Variants in TTC28 observed in about 807,000 individuals in gnomAD.
The protein encoded by TTC28 is tetratricopeptide repeat domain 28.
Under a neutral mutation model 198.0 loss-of-function variants are expected in TTC28, and 61 were observed. The observed-to-expected ratio is 0.31, with a 90% CI of 0.25 to 0.38. The LOEUF is 0.38. TTC28 is among the 10% of genes least tolerant of loss of function. The pLI is 1.00. For synonymous variants in TTC28, 1,171 were observed against 1,297.8 expected, an observed-to-expected ratio of 0.90 and a Z score of 2.10; for missense variants, 2,678 against 3,164.0, an observed-to-expected ratio of 0.85 and a Z score of 3.69.
At chr22:28,488,177 G>A (rs2048334411) in intron 2 of TTC28, among the ~76,000 whole-genome samples, 1 of 151,908 alleles carries the variant, frequency 6.6e-6, no homozygotes, top group African/African-American at 2.4e-5. Flanking sequence ...ATACCAACCG[G>A]ACCACCAGAC....
intron 2 of TTC28, among the ~76,000 whole-genome samples, chr22:28,568,933 G>T (rs1001313735): frequency 6.6e-6 from 1 of 152,052 alleles, no homozygotes; most frequent in Non-Finnish European, 1.5e-5. Flanking sequence ...GATCACCTGA[G>T]GTCAGGAGTT....
intron 2 of TTC28, among the ~76,000 whole-genome samples, chr22:28,510,914 AAAGAGAATAAAATACCTAGG>A (rs1568988387): frequency 6.6e-6 from 1 of 152,140 alleles, no homozygotes; most frequent in Non-Finnish European, 1.5e-5. Context: ...CAACTGCTAC[AAAGAGAATAAAATACCTAGG>A]AATACAGCTA....
At chr22:28,380,146 A>G (rs2046473023) in intron 2 of TTC28, among the ~76,000 whole-genome samples, 2 of 151,830 alleles carry the variant, frequency 1.3e-5, no homozygotes, top group South Asian at 2.1e-4. Flanking sequence ...ATTTCAAAAT[A>G]AAAAGCTCAA....
At position 27,982,252 on chromosome 22, in the gene TTC28, G is replaced by A. The variant is rs894941550; in HGVS notation, c.7415C>T (p.Pro2472Leu). 6.8e-7 allele frequency: 1 copy of A among 1,467,980 alleles called. No individual in the cohort carries two copies. Among genetic ancestry groups the A allele is most frequent in the Non-Finnish European group, 9.0e-7 (1 of 1,109,422 alleles). 90.9% of individuals were successfully genotyped at this position (1,467,980 alleles called of 1,614,324 possible). ...TTTGGAAGAAGGGAAAAATCTTCCT[G>A]GAGACAGGAACTTGTAGCCATTTCC... ...PSGNGYKFLS[P>L]GRFFPSSKC Residue 2472 changes from proline (P) to leucine (L), a missense_variant, in exon 23 of 23, where the codon CCA becomes CTA. Coordinates refer to ENST00000397906, the MANE Select transcript of TTC28 (RefSeq NM_001145418.2). The surrounding 1 kb of genome is among the most constrained non-coding windows in gnomAD (Gnocchi z 5.2).
chr22:28,555,998 C>T (rs2049779723), intron 2 of TTC28, among the ~76,000 whole-genome samples: 1 of 151,770 alleles, frequency 6.6e-6, no homozygotes. Context: ...TTTCCTTCGC[C>T]ATAAAATATA....
chr22:28,328,053 A>C (rs890401847), intron 2 of TTC28, among the ~76,000 whole-genome samples: 3 of 152,224 alleles, frequency 2.0e-5, no homozygotes, highest in Non-Finnish European at 4.4e-5. Flanking sequence ...CACACAGTTA[A>C]TACAATAAAA....
At chr22:28,579,598 C>T (rs940729616) in intron 2 of TTC28, among the ~76,000 whole-genome samples, 22 of 148,722 alleles carry the variant, frequency 1.5e-4, no homozygotes, top group Non-Finnish European at 4.4e-5. Flanking sequence ...TATATATACA[C>T]GAAAAAATTA....
At chr22:28,269,225 C>G (rs946998004) in intron 5 of TTC28, among the ~76,000 whole-genome samples, 4 of 152,102 alleles carry the variant, frequency 2.6e-5, no homozygotes, top group Admixed American at 2.0e-4. Context: ...CCATTACACA[C>G]TGTTGGGTCT....
At chr22:28,294,547 T>C (rs538761607) in intron 5 of TTC28, among the ~76,000 whole-genome samples, 56 of 151,976 alleles carry the variant, frequency 3.7e-4, no homozygotes, top group Admixed American at 9.8e-4. Flanking sequence ...AAAAAGAGTA[T>C]AAATGCAGCT....
At chr22:28,085,421 A>C (rs1409567878) in intron 12 of TTC28, among the ~76,000 whole-genome samples, 1 of 152,184 alleles carries the variant, frequency 6.6e-6, no homozygotes, top group Non-Finnish European at 1.5e-5. Flanking sequence ...AAGCTTCATA[A>C]GTGAAGGAGA....
At chr22:28,151,474 A>G (rs1012153908) in intron 6 of TTC28, among the ~76,000 whole-genome samples, 1 of 152,202 alleles carries the variant, frequency 6.6e-6, no homozygotes, top group Admixed American at 6.5e-5. Context: ...TCCTCTGCTC[A>G]CATGTTTACA....
intron 12 of TTC28, among the ~76,000 whole-genome samples, chr22:28,055,256 G>A (rs1940240105): frequency 6.6e-6 from 1 of 152,080 alleles, no homozygotes; most frequent in Admixed American, 6.6e-5. Context: ...GAAAATACTG[G>A]GTAACAACTG....
chr22:28,654,332 T>C (rs2051610095), intron 1 of TTC28, among the ~76,000 whole-genome samples: 1 of 152,134 alleles, frequency 6.6e-6, no homozygotes, highest in Admixed American at 6.6e-5. Context: ...TTAAAATAAA[T>C]ATATATATTT....
intron 2 of TTC28, among the ~76,000 whole-genome samples, chr22:28,493,433 G>C (rs190004008): frequency 1.3e-5 from 2 of 152,184 alleles, no homozygotes; most frequent in African/African-American, 2.4e-5. Context: ...ATTCATTACT[G>C]TGAAAACAGG....
chr22:28,117,145 G>A (rs926954217), intron 6 of TTC28, among the ~76,000 whole-genome samples: 12 of 152,196 alleles, frequency 7.9e-5, no homozygotes, highest in African/African-American at 2.9e-4. Context: ...CTGAAGTGCA[G>A]TATTCCATGT....
chr22:28,408,238 A>G (rs1410391592), intron 2 of TTC28, among the ~76,000 whole-genome samples: 2 of 152,210 alleles, frequency 1.3e-5, no homozygotes, highest in East Asian at 3.9e-4. Context: ...CCCATTCCTC[A>G]ATGAGTTGTT....
At chr22:28,564,579 T>A (rs1252209009) in intron 2 of TTC28, among the ~76,000 whole-genome samples, 1 of 151,920 alleles carries the variant, frequency 6.6e-6, no homozygotes, top group Non-Finnish European at 1.5e-5. Context: ...GATAGCAGTA[T>A]TCCGTGGTTT....
intron 2 of TTC28, among the ~76,000 whole-genome samples, chr22:28,328,995 C>T (rs1009997146): frequency 6.6e-6 from 1 of 151,710 alleles, no homozygotes; most frequent in African/African-American, 2.4e-5. Flanking sequence ...AAAAGAGAAA[C>T]CTGATTTCAG....
intron 1 of TTC28, among the ~76,000 whole-genome samples, chr22:28,662,956 T>G (rs928886637): frequency 1.3e-5 from 2 of 152,048 alleles, no homozygotes; most frequent in African/African-American, 2.4e-5. Flanking sequence ...TTTCTAGTGA[T>G]AAGAAACTTC....
Sources: allele counts gnomAD v4.1 joint callset (sites outside exome capture counted in the v4.1 genomes callset), GRCh38; gene constraint gnomAD v4.1.1; non-coding constraint Gnocchi (gnomAD v3.1); transcripts MANE v1.5; gene names NCBI Gene and HGNC (gene_info 2026-07-23, HGNC 2026-07-21).